SLC19A2: variants seen among roughly 807,000 people sequenced by gnomAD.
SLC19A2 encodes solute carrier family 19 member 2, also known as thiamine transporter 1.
SLC19A2 carries 27 observed loss-of-function variants against 44.7 expected under a neutral mutation model. That is an observed-to-expected ratio of 0.60 (90% CI 0.45 to 0.83). The LOEUF (loss-of-function observed/expected upper bound fraction) is 0.83, where lower values mean the gene tolerates loss of function less well. Among genes scored for constraint, SLC19A2 ranks in the 40% least tolerant of loss-of-function variants. The probability of loss-of-function intolerance (pLI) is 0.00; values close to 1 mark genes in which losing one functional copy is unlikely to be tolerated. For missense variants in SLC19A2, 566 were observed against 613.7 expected, an observed-to-expected ratio of 0.92 and a Z score of 0.82; for synonymous variants, 239 against 243.6, an observed-to-expected ratio of 0.98 and a Z score of 0.18.
chr1:169,470,552 AC>A (rs35883281), intron 2 of SLC19A2, among the ~76,000 whole-genome samples: 10,823 of 152,228 alleles, frequency 0.071, 419 homozygotes, highest in South Asian at 0.094. Context: ...CAGACTAGCA[AC>A]CCTAATAAAT....
At chr1:169,484,961 A>C (rs932162618) in intron 1 of SLC19A2, among the ~76,000 whole-genome samples, 23 of 151,346 alleles carry the variant, frequency 1.5e-4, no homozygotes, top group Non-Finnish European at 1.0e-4. Context: ...GGTTGGTCTT[A>C]AGGTAGAGAG....
intron 2 of SLC19A2, among the ~76,000 whole-genome samples, chr1:169,472,750 C>T (rs962926604): frequency 1.3e-5 from 2 of 152,204 alleles, no homozygotes; most frequent in Admixed American, 1.3e-4. Flanking sequence ...ATCAGCACCT[C>T]GTGCTATAAT....
chr1:169,472,027 G>A (rs184049203), intron 2 of SLC19A2, among the ~76,000 whole-genome samples: 6 of 152,224 alleles, frequency 3.9e-5, no homozygotes, highest in Admixed American at 6.5e-5. Context: ...AAGAAGTACC[G>A]ACACTTGAAA....
chr1:169,474,601 C>G (rs1658267459), intron 2 of SLC19A2, among the ~76,000 whole-genome samples: 1 of 152,198 alleles, frequency 6.6e-6, no homozygotes, highest in South Asian at 2.1e-4. Context: ...TTAGACTCCT[C>G]TTACTTCATT....
chr1:169,468,266 A>G lies in SLC19A2; in HGVS notation c.1224-14T>C. 1.9e-6 allele frequency: 3 copies of G among 1,604,018 alleles called. No individual in the cohort carries two copies. Among genetic ancestry groups the G allele is most frequent in the Non-Finnish European group, 2.6e-6 (3 of 1,171,718 alleles). The stretch of plus-strand genomic sequence containing the variant: ...GCAATTTGAAAACTTAAAAAAAAAT[A>G]AAAGAGTGAATAAATAAGAATTACT... On this transcript the variant is annotated splice_polypyrimidine_tract_variant and intron_variant, in intron 4 of 5. Coordinates refer to ENST00000236137, the MANE Select transcript of SLC19A2 (RefSeq NM_006996.3).
At position 169,466,087 on chromosome 1, in the gene SLC19A2, C is replaced by A. The variant is rs1472532892; in HGVS notation, c.1366-110G>T. 4.0e-6 allele frequency: 5 copies of A among 1,251,740 alleles called. No homozygotes were observed. The Admixed American group carries it at 5.8e-5, about 14-fold the overall frequency. The allele number at this position is 1,251,740 out of a possible 1,614,324, so 77.5% of individuals were successfully genotyped here. ...AGCCTCAAAAAATATTGCATACTTACACCACGTGCCAGACCCTGAAGACAC... is the reference window on the plus strand; with the variant it reads ...AGCCTCAAAAAATATTGCATACTTAAACCACGTGCCAGACCCTGAAGACAC... On this transcript the variant is annotated intron_variant, in intron 5 of 5. Coordinates refer to ENST00000236137, the MANE Select transcript of SLC19A2 (RefSeq NM_006996.3).
At position 169,465,907 on chromosome 1, in the gene SLC19A2, A is replaced by G. The variant is rs374046494; in HGVS notation, c.1436T>C (p.Met479Thr). 13 of 1,614,034 alleles carry G rather than the reference A, an allele frequency of 8.1e-6. No individual in the cohort carries two copies. The highest frequency in any genetic ancestry group is 2.7e-5 in the African/African-American group (2 of 74,930). ...VFLASGAVSV[M>T]KKCRKLEDPQ... ...ATCTTCCAGCTTTCTACATTTCTTC[A>G]TAACACTGACTGCACCACTGGCCAG... The change falls in exon 6 of 6, where the codon ATG becomes ACG. Residue 479 changes from methionine (M) to threonine (T), a missense_variant. Physicochemically the swap from Met to Thr is moderately conservative, Grantham distance 81. Coordinates refer to ENST00000236137, the MANE Select transcript of SLC19A2 (RefSeq NM_006996.3).
Position 169,485,716 on chromosome 1 carries a change from A to AGTGGCC in SLC19A2, c.45_50dup (p.Ala16_Thr17dup). On this transcript the variant is annotated inframe_insertion, in exon 1 of 6. Coordinates refer to ENST00000236137, the MANE Select transcript of SLC19A2 (RefSeq NM_006996.3). The stretch of plus-strand genomic sequence containing the variant: ...GGACCCGAGCGGTCCGCAGGAGCAC[A>AGTGGCC]GTGGCCGCCGCCGCCGCCGCCCGCC... 6.5e-7 allele frequency: 1 copy of AGTGGCC among 1,538,824 alleles called. No homozygotes were observed. The highest frequency in any genetic ancestry group is 8.7e-7 in the Non-Finnish European group (1 of 1,145,542).
At chr1:169,475,299 AT>A (rs1468489087) in intron 2 of SLC19A2, among the ~76,000 whole-genome samples, 5 of 152,172 alleles carry the variant, frequency 3.3e-5, no homozygotes, top group South Asian at 2.1e-4. Flanking sequence ...TTTAAAAAAA[AT>A]AAAAGAATGT....
intron 5 of SLC19A2, 128 bp from the exon 6 acceptor site, chr1:169,466,105 G>T: frequency 9.3e-7 from 1 of 1,070,658 alleles, no homozygotes; most frequent in Non-Finnish European, 1.4e-6. Flanking sequence ...GCCAGACCCT[G>T]AAGACACAAA....
In SLC19A2 at chr1:169,468,666, T is replaced by C. The variant is rs766405926; in HGVS notation, c.1201A>G (p.Met401Val). 6.8e-6 allele frequency: 11 copies of C among 1,613,684 alleles called. No individual in the cohort carries two copies. The highest frequency in any genetic ancestry group is 2.7e-5 in the African/African-American group (2 of 74,868). ...ASYVVFRIIY[M>V]LLITIATFQI... ...TACGTTGCTATCGTGATGAGTAACA[T>C]GTAGATGATTCTGAAGACAACATAG... The change falls in exon 4 of 6, where the codon ATG becomes GTG. Residue 401 changes from methionine to valine, a missense_variant. Coordinates refer to ENST00000236137, the MANE Select transcript of SLC19A2 (RefSeq NM_006996.3).
rs763545818 is a variant in SLC19A2 at position 169,477,700 on chromosome 1, C to T, written c.262G>A (p.Val88Met). 8 of 1,612,418 alleles carry T rather than the reference C, an allele frequency of 5.0e-6. No homozygotes were observed. The highest frequency in any genetic ancestry group is 4.4e-5 in the South Asian group (4 of 91,048). Residue 88 changes from valine (V) to methionine (M), a missense_variant, in exon 2 of 6, where the codon GTG becomes ATG. Transcript: ENST00000236137. ...CGGAGGTAGTCTGTGGCAAGGAACA[C>T]AGGAAACAGTAGCACCAGGTAAGAG... ...TYSYLVLLFP[V>M]FLATDYLRYK...
chr1:169,466,265 C>T (rs867619990), intron 5 of SLC19A2, among the ~76,000 whole-genome samples: 8 of 152,306 alleles, frequency 5.3e-5, no homozygotes, highest in Middle Eastern at 3.4e-3. Context: ...GTAGTTCTCA[C>T]TTTACAGCGA....
intron 1 of SLC19A2, among the ~76,000 whole-genome samples, chr1:169,484,355 G>A (rs1658505892): frequency 6.6e-6 from 1 of 152,188 alleles, no homozygotes; most frequent in Admixed American, 6.5e-5. Context: ...CAGGGTTACT[G>A]AGTGGCTACT....
In SLC19A2 at chr1:169,465,967, T is replaced by C. The variant is rs1571529847; in HGVS notation, c.1376A>G (p.Tyr459Cys). The part of the protein sequence containing the change: ...GLEITTQFLI[Y>C]ASYFALIAVV... ...AGCGATGAGTGCAAAATAACTGGCA[T>C]AGATCAAAAACTAGAAGGGGGAAAA... The change falls in exon 6 of 6, where the codon TAT (tyrosine) becomes TGT (cysteine). Residue 459 changes from tyrosine (Y) to cysteine (C), a missense_variant. Physicochemically the swap from Tyr to Cys is radical, Grantham distance 194. Coordinates refer to ENST00000236137, the MANE Select transcript of SLC19A2 (RefSeq NM_006996.3). 6.2e-7 allele frequency: 1 copy of C among 1,613,928 alleles called. No homozygotes were observed. Among genetic ancestry groups the C allele is most frequent in the Admixed American group, 1.7e-5 (1 of 59,994 alleles).
Position 169,485,805 on chromosome 1 carries a change from C to T in SLC19A2, c.-39G>A. On this transcript the variant is annotated 5_prime_UTR_variant, in exon 1 of 6. Coordinates refer to ENST00000236137, the MANE Select transcript of SLC19A2 (RefSeq NM_006996.3). ...GGAGGGGACCCGGCCCGGCCCCTTCCTTCTCCTCCTCCGCCAACTGGAGTG... is the reference window on the plus strand; with the variant it reads ...GGAGGGGACCCGGCCCGGCCCCTTCTTTCTCCTCCTCCGCCAACTGGAGTG... 1 of 1,503,426 alleles carries T rather than the reference C, an allele frequency of 6.7e-7. No homozygotes were observed. Among genetic ancestry groups the T allele is most frequent in the African/African-American group, 1.4e-5 (1 of 71,712 alleles). 93.1% of individuals were successfully genotyped at this position (1,503,426 alleles called of 1,614,324 possible). A position where few individuals can be genotyped will look rare whatever the true frequency, so the allele number is the denominator to read the frequency against.
chr1:169,470,382 C>T (rs1658141807), intron 2 of SLC19A2, among the ~76,000 whole-genome samples, 196 bp from the exon 3 acceptor site: 1 of 152,164 alleles, frequency 6.6e-6, no homozygotes, highest in South Asian at 2.1e-4. Context: ...TTTAAATGCA[C>T]TATAGCATTA....
At chr1:169,480,908 A>T (rs1477408145) in intron 1 of SLC19A2, among the ~76,000 whole-genome samples, 1 of 152,184 alleles carries the variant, frequency 6.6e-6, no homozygotes, top group African/African-American at 2.4e-5. Context: ...ATCTTTACTC[A>T]TGAGTCTAAT....
chr1:169,485,792 G>A lies in SLC19A2; in HGVS notation c.-26C>T, dbSNP rs1658551746. The A allele has an allele frequency of 1.4e-5, 21 of 1,514,098 alleles. No individual in the cohort carries two copies. The highest frequency in any genetic ancestry group is 2.5e-5 in the East Asian group (1 of 40,494). The allele number at this position is 1,514,098 out of a possible 1,614,324, so 93.8% of individuals were successfully genotyped here. ...CCGGGGCGCGAGGGGAGGGGACCCG[G>A]CCCGGCCCCTTCCTTCTCCTCCTCC... On this transcript the variant is annotated 5_prime_UTR_variant, in exon 1 of 6. Coordinates refer to ENST00000236137, the MANE Select transcript of SLC19A2 (RefSeq NM_006996.3).
Sources: gnomAD v4.1 joint callset for allele counts (sites outside exome capture counted in the v4.1 genomes callset) on GRCh38, gnomAD v4.1.1 for gene constraint, MANE v1.5 for transcripts, NCBI Gene and HGNC (gene_info 2026-07-23, HGNC 2026-07-21) for gene names.